FAM13B: variants seen among roughly 807,000 people sequenced by gnomAD.
FAM13B encodes the protein protein FAM13B.
In FAM13B, 60 loss-of-function variants were observed where a neutral mutation model predicts 117.3. That is an observed-to-expected ratio of 0.51 (90% confidence interval 0.42 to 0.63). FAM13B has a LOEUF of 0.63. Among genes scored for constraint, FAM13B ranks in the 30% least tolerant of loss-of-function variants. The pLI is 0.00. For synonymous variants in FAM13B, 332 were observed against 356.1 expected, an observed-to-expected ratio of 0.93 and a Z score of 0.76; for missense variants, 972 against 1,091.9, an observed-to-expected ratio of 0.89 and a Z score of 1.55.
At chr5:138,004,754 C>T (rs4277911) in intron 7 of FAM13B, among the ~76,000 whole-genome samples, 25,496 of 152,060 alleles carry the variant, frequency 0.17, 2,237 homozygotes, top group Non-Finnish European at 0.17. Flanking sequence ...GTAGCGAGCA[C>T]CTGTGGTCCC....
At chr5:137,999,885 C>T (rs922435976) in intron 7 of FAM13B, among the ~76,000 whole-genome samples, 24 of 152,012 alleles carry the variant, frequency 1.6e-4, no homozygotes, top group African/African-American at 5.6e-4. Flanking sequence ...GAGGACCCCA[C>T]CCCCATGGCC....
At position 138,025,319 on chromosome 5, in the gene FAM13B, T is replaced by G. The variant is rs1321085213; in HGVS notation, c.-202-4122A>C. On this transcript the variant is annotated intron_variant, in intron 1 of 23. Coordinates refer to ENST00000689681, the MANE Select transcript of FAM13B (RefSeq NM_001385994.1). ...TATATATATATATATATGTATTTTT[T>G]TTTTTTTTTTTTTTGAGTTGAGGTC... 9.3e-5 allele frequency among the ~76,000 whole-genome samples: 11 copies of G among 117,842 alleles called. 1 individual carries two copies. Among genetic ancestry groups the G allele is most frequent in the Admixed American group, 5.3e-4 (6 of 11,338 alleles). The allele number at this position is 117,842 out of a possible 152,430, so 77.3% of individuals were successfully genotyped here. A position where few individuals can be genotyped will look rare whatever the true frequency, so the allele number is the denominator to read the frequency against.
rs2150074444 is a variant in FAM13B, at chr5:137,938,268, C to T, written c.*1957G>A. 6.6e-6 allele frequency: 1 copy of T among 152,564 alleles called. No individual in the cohort carries two copies. Among genetic ancestry groups the T allele is most frequent in the Admixed American group, 6.5e-5 (1 of 15,282 alleles). 9.5% of individuals were successfully genotyped at this position (152,564 alleles called of 1,614,324 possible). A position where few individuals can be genotyped will look rare whatever the true frequency, so the allele number is the denominator to read the frequency against. On this transcript the variant is annotated 3_prime_UTR_variant, in exon 24 of 24. Coordinates refer to ENST00000689681, the MANE Select transcript of FAM13B (RefSeq NM_001385994.1). ...AATTCTAAAATGAAACCAGTCAGACCACTGACTTATAAAAATATGGTACTC... is the reference window on the plus strand; with the variant it reads ...AATTCTAAAATGAAACCAGTCAGACTACTGACTTATAAAAATATGGTACTC...
chr5:137,948,027 C>A (rs763505411), intron 18 of FAM13B, among the ~76,000 whole-genome samples: 3 of 152,216 alleles, frequency 2.0e-5, no homozygotes, highest in Non-Finnish European at 2.9e-5. Context: ...AAGAGTTCCA[C>A]ATTAGGACTA....
chr5:138,021,791 C>A (rs369536412), intron 1 of FAM13B, among the ~76,000 whole-genome samples: 8 of 152,162 alleles, frequency 5.3e-5, no homozygotes, highest in African/African-American at 1.9e-4. Context: ...TTCCATGTCT[C>A]TGAGCCTAGG....
intron 10 of FAM13B, among the ~76,000 whole-genome samples, chr5:137,978,273 T>C (rs1278282757): frequency 6.6e-6 from 1 of 152,164 alleles, no homozygotes; most frequent in Non-Finnish European, 1.5e-5. Context: ...AATCTTTGCA[T>C]ACACCTCTGA....
intron 10 of FAM13B, among the ~76,000 whole-genome samples, chr5:137,978,602 T>C (rs1004860127): frequency 1.3e-5 from 2 of 152,130 alleles, no homozygotes; most frequent in African/African-American, 4.8e-5. Flanking sequence ...TCCCACCACC[T>C]TTTTTCCTCC....
intron 10 of FAM13B, among the ~76,000 whole-genome samples, chr5:137,984,422 A>G (rs983066528): frequency 6.6e-6 from 1 of 152,164 alleles, no homozygotes; most frequent in African/African-American, 2.4e-5. Context: ...ATCTCATTAC[A>G]ACTAGGTCTC....
At chr5:138,037,810 A>G (rs1294079168), upstream of FAM13B, among the ~76,000 whole-genome samples, 1 of 152,186 alleles carries the variant, frequency 6.6e-6, no homozygotes, top group African/African-American at 2.4e-5. Context: ...CTAGCCAGAA[A>G]AGCCAAAAAG....
chr5:137,998,450 C>T (rs1780384229), intron 7 of FAM13B, among the ~76,000 whole-genome samples: 1 of 152,208 alleles, frequency 6.6e-6, no homozygotes, highest in Non-Finnish European at 1.5e-5. Flanking sequence ...ACTTCTGCAG[C>T]ATAACTTACC....
rs182115383 is a variant in FAM13B, at chr5:138,018,043, G to A, written c.370+259C>T. ...TTTTTGATGACCCCTCCTACTCCTT[G>A]TTCTTGTCTCCTCCCTTTCCTCTTC... On this transcript the variant is annotated intron_variant, in intron 4 of 23. Transcript: ENST00000689681. Among the ~76,000 whole-genome samples, 30 of 152,160 alleles carry A rather than the reference G, an allele frequency of 2.0e-4. No homozygotes were observed. In the East Asian group the frequency reaches 5.8e-3, roughly 29 times the overall value.
intron 1 of FAM13B, among the ~76,000 whole-genome samples, chr5:138,047,929 G>C (rs1791689322): frequency 6.6e-6 from 1 of 152,164 alleles, no homozygotes; most frequent in South Asian, 2.1e-4. Flanking sequence ...TAATACATTT[G>C]TATTGTGTTT....
At chr5:138,012,080 G>A in intron 4 of FAM13B, 135 bp from the exon 5 acceptor site, 2 of 586,398 alleles carry the variant, frequency 3.4e-6, no homozygotes, top group Middle Eastern at 4.7e-4. Context: ...CCTCTACTGG[G>A]GCCAAATGCC....
rs745790195 is a variant in FAM13B at position 137,949,298 on chromosome 5, A to ATC, written c.1931-115_1931-114insGA. The ATC allele has an allele frequency of 1.7e-4, 135 of 777,334 alleles. 1 individual carries two copies. Among genetic ancestry groups the ATC allele is most frequent in the Middle Eastern group, 1.7e-3 (7 of 4,136 alleles). 48.2% of individuals were successfully genotyped at this position (777,334 alleles called of 1,614,324 possible). A position where few individuals can be genotyped will look rare whatever the true frequency, so the allele number is the denominator to read the frequency against. ...ATACATTAACAGCACACAGACTTAG[A>ATC]TATTTCAAAGCCAAATAAAACATTT... is the stretch of plus-strand genomic sequence containing the variant. On this transcript the variant is annotated intron_variant, in intron 17 of 23. Transcript: ENST00000689681.
chr5:137,941,309 A>C (rs1288017278), intron 23 of FAM13B, among the ~76,000 whole-genome samples: 3 of 152,192 alleles, frequency 2.0e-5, no homozygotes, highest in Non-Finnish European at 4.4e-5. Flanking sequence ...AATATTAGCT[A>C]TCAGCTTGGT....
intron 7 of FAM13B, among the ~76,000 whole-genome samples, chr5:137,999,915 C>T (rs1274321478): frequency 1.3e-5 from 2 of 152,046 alleles, no homozygotes. Context: ...CCCAAAGGCC[C>T]CACTTCCTAA....
chr5:137,966,480 TATATATATAG>T (rs1468577502), intron 10 of FAM13B, among the ~76,000 whole-genome samples: 156 of 59,060 alleles, frequency 2.6e-3, no homozygotes, highest in Admixed American at 4.5e-3. Context: ...TATATATATA[TATATATATAG>T]AGAGAGAGAG....
Position 137,946,290 on chromosome 5 carries a change from C to A in FAM13B, c.2182G>T (p.Val728Leu), listed in dbSNP as rs751524549. ...DIKKMTKDHL[V>L]EEKASLQKSL... ...TTCTGAAGAGAAGCTTTCTCTTCTACCAAATGATCTTTGGTCATTTTCTGG... is the reference window on the plus strand; with the variant it reads ...TTCTGAAGAGAAGCTTTCTCTTCTAACAAATGATCTTTGGTCATTTTCTGG... The change falls in exon 19 of 24, where the codon GTA becomes TTA. Residue 728 changes from valine to leucine, a missense_variant. Transcript: ENST00000689681. 5 of 1,573,296 alleles carry A rather than the reference C, an allele frequency of 3.2e-6. No individual in the cohort carries two copies. In the South Asian group the frequency reaches 6.1e-5, roughly 19 times the overall value.
At chr5:138,036,099 G>A (rs372727692), upstream of FAM13B, 13 of 295,854 alleles carry the variant, frequency 4.4e-5, no homozygotes, top group East Asian at 7.7e-4. Flanking sequence ...ACCCTTTATT[G>A]TGGGACAAGG....
Sources: allele counts gnomAD v4.1 joint callset (sites outside exome capture counted in the v4.1 genomes callset), GRCh38; gene constraint gnomAD v4.1.1; transcripts MANE v1.5; gene names NCBI Gene and HGNC (gene_info 2026-07-23, HGNC 2026-07-21).